Variants in NMT1 observed in about 807,000 individuals in gnomAD.
NMT1 encodes N-myristoyltransferase 1, also known as glycylpeptide N-tetradecanoyltransferase 1.
Under a neutral mutation model 63.4 loss-of-function variants are expected in NMT1, and 12 were observed. The observed-to-expected ratio is 0.19, with a 90% CI of 0.12 to 0.31. NMT1 has a LOEUF of 0.31. NMT1 is among the 10% of genes least tolerant of loss of function. The pLI, the probability that NMT1 is intolerant of heterozygous loss-of-function variation, is 1.00. For synonymous variants in NMT1, 228 were observed against 234.3 expected, an observed-to-expected ratio of 0.97 and a Z score of 0.25; for missense variants, 432 against 634.6, an observed-to-expected ratio of 0.68 and a Z score of 3.43.
chr17:45,091,446 T>C (rs2054087368), intron 3 of NMT1, among the ~76,000 whole-genome samples: 1 of 152,154 alleles, frequency 6.6e-6, no homozygotes, highest in African/African-American at 2.4e-5. Flanking sequence ...GTGTAGGACC[T>C]AGTAGCCAGC....
chr17:45,063,559 G>C (rs146103949), intron 1 of NMT1, among the ~76,000 whole-genome samples: 114 of 152,174 alleles, frequency 7.5e-4, no homozygotes, highest in African/African-American at 2.6e-3. Flanking sequence ...TTAGGTTTGT[G>C]CCCTATAATC....
At chr17:45,099,312 CGCCACCTGCTG>C in intron 7 of NMT1, 82 bp from the exon 8 acceptor site, 1 of 853,520 alleles carries the variant, frequency 1.2e-6, no homozygotes, top group South Asian at 1.4e-5. Flanking sequence ...GTGTCTCTCA[CGCCACCTGCTG>C]GCCAGCTGGG....
chr17:45,092,989 A>G (rs1229733982), intron 3 of NMT1, among the ~76,000 whole-genome samples: 2 of 152,198 alleles, frequency 1.3e-5, no homozygotes, highest in African/African-American at 4.8e-5. Context: ...TGAGCTCTGG[A>G]TAGGAATGAG....
At position 45,097,184 on chromosome 17, in the gene NMT1, C is replaced by T; in HGVS notation, c.653C>T (p.Ser218Leu). The T allele has an allele frequency of 2.5e-6, 4 of 1,614,176 alleles. No homozygotes were observed. Among genetic ancestry groups the T allele is most frequent in the Non-Finnish European group, 3.4e-6 (4 of 1,180,018 alleles). Residue 218 changes from serine to leucine, a missense_variant, in exon 6 of 12, where the codon TCA (serine) becomes TTA (leucine). Physicochemically the swap from Ser to Leu is moderately radical, Grantham distance 145 (BLOSUM62 -2). This residue lies in a region of NMT1 where 295 missense variants were observed against 489.7 expected (regional missense o/e 0.60). Coordinates refer to ENST00000258960, the MANE Select transcript of NMT1 (RefSeq NM_021079.5). ...PQWHCGVRVV[S>L]SRKLVGFISA... ...TGGCACTGTGGGGTTCGAGTGGTCT[C>T]AAGTCGGAAATTGGTTGGGTTCATT...
At chr17:45,061,830 A>G (rs2053863836) in intron 1 of NMT1, 1 of 165,820 alleles carries the variant, frequency 6.0e-6, no homozygotes, top group South Asian at 1.6e-4. Context: ...TGTTTGAACA[A>G]CGTGACTAGC....
In NMT1 at chr17:45,104,989, C is replaced by T. The variant is rs1425544391; in HGVS notation, c.1463C>T (p.Ala488Val). ...LYNWKCPSMG[A>V]EKVGLVLQ Reference sequence around the variant, plus strand: ...AATTGGAAATGCCCCAGCATGGGGGCAGAGAAGGTAGGCGACACATAGCCA... The same window carrying T: ...AATTGGAAATGCCCCAGCATGGGGGTAGAGAAGGTAGGCGACACATAGCCA... Residue 488 changes from alanine (A) to valine (V), a missense_variant, in exon 11 of 12, where the codon GCA becomes GTA. Around this residue, in one of 4 missense-constraint regions of NMT1, gnomAD observed 13 missense variants for 16.7 expected, o/e 0.78. Transcript: ENST00000258960. The surrounding 1 kb of genome is among the most constrained non-coding windows in gnomAD (Gnocchi z 4.2). 6.2e-7 allele frequency: 1 copy of T among 1,614,058 alleles called. No homozygotes were observed. Among genetic ancestry groups the T allele is most frequent in the Admixed American group, 1.7e-5 (1 of 60,020 alleles).
At chr17:45,076,583 C>T (rs757496590) in intron 1 of NMT1, among the ~76,000 whole-genome samples, 3 of 151,808 alleles carry the variant, frequency 2.0e-5, no homozygotes, top group Non-Finnish European at 4.4e-5. Context: ...GACCCTGTCT[C>T]TACTAAAAAT....
chr17:45,096,275 T>C lies in NMT1; in HGVS notation c.586T>C (p.Phe196Leu), dbSNP rs1311826897. Residue 196 changes from phenylalanine (F) to leucine (L), a missense_variant, in exon 5 of 12, where the codon TTT (phenylalanine) becomes CTT (leucine). Coordinates refer to ENST00000258960, the MANE Select transcript of NMT1 (RefSeq NM_021079.5). ...NMFRFDYSPEFLLWALRPPGW... is the reference protein window; with the variant it reads ...NMFRFDYSPELLLWALRPPGW... ...GTTCCGATTTGATTATTCCCCGGAG[T>C]TTCTTTTGTGGTAAGTTGTGGGGGC... The C allele has an allele frequency of 6.2e-7, 1 of 1,613,602 alleles. No homozygotes were observed. Among genetic ancestry groups the C allele is most frequent in the African/African-American group, 1.3e-5 (1 of 74,856 alleles).
chr17:45,073,158 C>G (rs1196824167), intron 1 of NMT1, among the ~76,000 whole-genome samples: 1 of 152,074 alleles, frequency 6.6e-6, no homozygotes, highest in Non-Finnish European at 1.5e-5. Context: ...CGCGGTGGCT[C>G]ACACCCGTAA....
At chr17:45,099,252 G>A (rs979415652) in intron 7 of NMT1, among the ~76,000 whole-genome samples, 153 bp from the exon 8 acceptor site, 5 of 152,208 alleles carry the variant, frequency 3.3e-5, no homozygotes, top group African/African-American at 1.2e-4. Flanking sequence ...ACTGTGGGGA[G>A]GGGGAGGCTG....
At position 45,098,734 on chromosome 17, in the gene NMT1, G is replaced by A. The variant is rs374957727; in HGVS notation, c.884+182G>A. 4.7e-4 allele frequency: 270 copies of A among 571,322 alleles called. 1 individual carries two copies. The highest frequency in any genetic ancestry group is 4.2e-3 in the African/African-American group (224 of 53,616). 35.4% of individuals were successfully genotyped at this position (571,322 alleles called of 1,614,324 possible). The stretch of plus-strand genomic sequence containing the variant: ...CATGGAGAGGGCGGGAGGGTTGTAG[G>A]GATGGCAGATTGGCAAGTCCCTGCC... On this transcript the variant is annotated intron_variant, in intron 7 of 11. Transcript: ENST00000258960.
At chr17:45,091,360 C>T (rs1427140312) in intron 3 of NMT1, among the ~76,000 whole-genome samples, 1 of 152,100 alleles carries the variant, frequency 6.6e-6, no homozygotes, top group African/African-American at 2.4e-5. Flanking sequence ...TTCGCCAGCC[C>T]CTGCCACAGA....
chr17:45,096,211 C>G lies in NMT1; in HGVS notation c.522C>G (p.Thr174=). Residue 174 remains threonine, a synonymous_variant, in exon 5 of 12, where the codon ACC becomes ACG. Transcript: ENST00000258960. ...GDRGVLKELY[T]LLNENYVEDD... ...CTTTACAGCTAAAAGAACTGTACAC[C>G]CTCCTGAATGAGAACTATGTGGAAG... 6.2e-7 allele frequency: 1 copy of G among 1,613,656 alleles called. No individual in the cohort carries two copies. The highest frequency in any genetic ancestry group is 2.2e-5 in the East Asian group (1 of 44,886).
At chr17:45,065,985 T>C (rs1466272801) in intron 1 of NMT1, among the ~76,000 whole-genome samples, 1 of 152,036 alleles carries the variant, frequency 6.6e-6, no homozygotes, top group African/African-American at 2.4e-5. Flanking sequence ...GTGCTGGGAT[T>C]GTAAGCATGA....
rs568986213 is a variant in NMT1 at position 45,095,872 on chromosome 17, C to T, written c.505-322C>T. 1.8e-4 allele frequency among the ~76,000 whole-genome samples: 28 copies of T among 152,284 alleles called. No homozygotes were observed. In the East Asian group the frequency reaches 4.1e-3, roughly 22 times the overall value. ...TCCGTGGTAATTCCTTGACTAGCTTCGAGAGTCGTCCCTCTATAGCACTTC... is the reference window on the plus strand; with the variant it reads ...TCCGTGGTAATTCCTTGACTAGCTTTGAGAGTCGTCCCTCTATAGCACTTC... On this transcript the variant is annotated intron_variant, in intron 4 of 11. Coordinates refer to ENST00000258960, the MANE Select transcript of NMT1 (RefSeq NM_021079.5).
rs1342497115 is a variant in NMT1 at position 45,097,243 on chromosome 17, A to G, written c.712A>G (p.Thr238Ala). ...AIPANIHIYDTEKKMVEINFL... is the reference protein window; with the variant it reads ...AIPANIHIYDAEKKMVEINFL... ...CCCAGCAAACATCCATATCTATGAC[A>G]CGTAAGCACCTGCACCTACCCCCAC... is the stretch of plus-strand genomic sequence containing the variant. Residue 238 changes from threonine to alanine, a missense_variant and splice_region_variant, in exon 6 of 12, where the codon ACA becomes GCA. Thr to Ala is a moderately conservative substitution (Grantham distance 58). Around this residue, in one of 4 missense-constraint regions of NMT1, gnomAD observed 295 missense variants for 489.7 expected, o/e 0.60. Transcript: ENST00000258960. 1 of 1,609,932 alleles carries G rather than the reference A, an allele frequency of 6.2e-7. No homozygotes were observed. Among genetic ancestry groups the G allele is most frequent in the Non-Finnish European group, 8.5e-7 (1 of 1,176,398 alleles).
chr17:45,098,631 C>T lies in NMT1; in HGVS notation c.884+79C>T, dbSNP rs1477668015. On this transcript the variant is annotated intron_variant, in intron 7 of 11. Transcript: ENST00000258960. ...GAGGAGCATGTGCCACTGTGAGTCACAGCTCCGCCCTTAGCATCCCACCTC... is the reference window on the plus strand; with the variant it reads ...GAGGAGCATGTGCCACTGTGAGTCATAGCTCCGCCCTTAGCATCCCACCTC... 2.2e-6 allele frequency: 3 copies of T among 1,345,628 alleles called. No homozygotes were observed. In the Admixed American group the frequency reaches 5.5e-5, roughly 25 times the overall value. The allele number at this position is 1,345,628 out of a possible 1,614,324, so 83.4% of individuals were successfully genotyped here. A position where few individuals can be genotyped will look rare whatever the true frequency, so the allele number is the denominator to read the frequency against.
intron 3 of NMT1, among the ~76,000 whole-genome samples, chr17:45,092,570 C>T (rs1357179125): frequency 6.6e-6 from 1 of 151,240 alleles, no homozygotes; most frequent in South Asian, 2.1e-4. Context: ...AATTAGCCAG[C>T]GTGGTGGCGG....
In NMT1 at chr17:45,098,569, G is replaced by A. The variant is rs368198371; in HGVS notation, c.884+17G>A. 9.9e-6 allele frequency: 16 copies of A among 1,611,608 alleles called. No individual in the cohort carries two copies. Among genetic ancestry groups the A allele is most frequent in the South Asian group, 8.8e-5 (8 of 91,010 alleles). On this transcript the variant is annotated intron_variant, in intron 7 of 11. Coordinates refer to ENST00000258960, the MANE Select transcript of NMT1 (RefSeq NM_021079.5). Reference sequence around the variant, plus strand: ...CACCTGCAGGTAAAACTGTCTTCCTGTAAGGCCCCAAAAATGCGGGTGTCT... The same window carrying A: ...CACCTGCAGGTAAAACTGTCTTCCTATAAGGCCCCAAAAATGCGGGTGTCT...
Sources: gnomAD v4.1 joint callset for allele counts (sites outside exome capture counted in the v4.1 genomes callset) on GRCh38, gnomAD v4.1.1 for gene constraint, gnomAD v4.1.1 regional missense constraint, Gnocchi (gnomAD v3.1) non-coding constraint, MANE v1.5 for transcripts, NCBI Gene and HGNC (gene_info 2026-07-23, HGNC 2026-07-21) for gene names.